Variants in MEGF11 observed in about 807,000 individuals in gnomAD.
The protein encoded by MEGF11 is multiple EGF like domains 11, also known as multiple epidermal growth factor-like domains protein 11.
Under a neutral mutation model 146.6 loss-of-function variants are expected in MEGF11, and 126 were observed. The ratio of observed to expected loss-of-function variants is 0.86; its 90% CI spans 0.74 to 1.00. The LOEUF is 1.00. Among genes scored for constraint, MEGF11 ranks in the 50% least tolerant of loss-of-function variants. MEGF11 has a pLI of 0.00. For synonymous variants in MEGF11, 532 were observed against 583.4 expected (o/e 0.91, Z 1.27); for missense variants, 1,509 against 1,521.2 (o/e 0.99, Z 0.13).
At chr15:66,214,820 CACTGCACTCAA>C (rs2091546107) in intron 1 of MEGF11, among the ~76,000 whole-genome samples, 1 of 152,112 alleles carries the variant, frequency 6.6e-6, no homozygotes. Flanking sequence ...CCTGCACTAA[CACTGCACTCAA>C]GGCCCAGCTC....
chr15:66,031,690 G>A (rs1464441692), intron 5 of MEGF11, among the ~76,000 whole-genome samples: 1 of 152,186 alleles, frequency 6.6e-6, no homozygotes, highest in Non-Finnish European at 1.5e-5. Context: ...GTGATCTTGA[G>A]CAACTACTTA....
At chr15:66,105,421 A>G (rs2087021955) in intron 4 of MEGF11, among the ~76,000 whole-genome samples, 1 of 152,198 alleles carries the variant, frequency 6.6e-6, no homozygotes, top group African/African-American at 2.4e-5. Context: ...CCATTGTGCA[A>G]GAAGATTAAA....
At chr15:66,098,891 C>A (rs1306995332) in intron 4 of MEGF11, among the ~76,000 whole-genome samples, 1 of 152,194 alleles carries the variant, frequency 6.6e-6, no homozygotes, top group Non-Finnish European at 1.5e-5. Context: ...TAAAACACTT[C>A]ATCAGATGTG....
chr15:65,918,577 G>A (rs1359728517), intron 15 of MEGF11, among the ~76,000 whole-genome samples: 2 of 152,244 alleles, frequency 1.3e-5, no homozygotes, highest in Non-Finnish European at 2.9e-5. Context: ...CGGTTTGACT[G>A]TTAAAGGACC....
At chr15:66,047,507 A>G (rs1489889042) in intron 5 of MEGF11, among the ~76,000 whole-genome samples, 2 of 152,246 alleles carry the variant, frequency 1.3e-5, no homozygotes, top group African/African-American at 4.8e-5. Flanking sequence ...AGCACTGGGA[A>G]TAATAAACAC....
intron 1 of MEGF11, among the ~76,000 whole-genome samples, chr15:66,150,244 G>T (rs1220823742): frequency 6.6e-6 from 1 of 152,196 alleles, no homozygotes; most frequent in Non-Finnish European, 1.5e-5. Flanking sequence ...CGGGCATGGT[G>T]GGGTCCAGTT....
intron 5 of MEGF11, among the ~76,000 whole-genome samples, chr15:66,093,299 C>G (rs1295807658): frequency 6.6e-6 from 1 of 152,038 alleles, no homozygotes; most frequent in Non-Finnish European, 1.5e-5. Flanking sequence ...TTTGGGAAAA[C>G]AAACAAAAAA....
intron 5 of MEGF11, among the ~76,000 whole-genome samples, chr15:65,987,152 G>A (rs1037712932): frequency 6.6e-6 from 1 of 152,152 alleles, no homozygotes; most frequent in African/African-American, 2.4e-5. Flanking sequence ...TCACCGACAG[G>A]CTTTTAAATT....
Position 65,897,694 on chromosome 15 carries a change from T to TA in MEGF11, c.*239dup. On this transcript the variant is annotated 3_prime_UTR_variant, in exon 26 of 26. Coordinates refer to ENST00000395614, the MANE Select transcript of MEGF11 (RefSeq NM_001385028.1). Reference sequence around the variant, plus strand: ...TGAGTAGCTGTATCTTAAAATGTTTTAAAAATCATATAATCCAGGGCATTT... The same window carrying TA: ...TGAGTAGCTGTATCTTAAAATGTTTTAAAAAATCATATAATCCAGGGCATTT... 5.8e-6 allele frequency: 2 copies of TA among 345,748 alleles called. No individual in the cohort carries two copies. The highest frequency in any genetic ancestry group is 5.2e-6 in the Non-Finnish European group (1 of 192,934). 21.4% of individuals were successfully genotyped at this position (345,748 alleles called of 1,614,324 possible). A position where few individuals can be genotyped will look rare whatever the true frequency, so the allele number is the denominator to read the frequency against.
chr15:66,112,734 A>G (rs1476239718), intron 4 of MEGF11, among the ~76,000 whole-genome samples: 1 of 152,210 alleles, frequency 6.6e-6, no homozygotes. Context: ...GTGCAAGACA[A>G]AGTCCAGAAC....
intron 1 of MEGF11, among the ~76,000 whole-genome samples, chr15:66,130,721 A>AGAGGGAGG (rs201223836): frequency 1.4e-5 from 2 of 144,070 alleles, no homozygotes; most frequent in African/African-American, 5.1e-5. Context: ...AGAAAAAGAA[A>AGAGGGAGG]GAGGGAGGGA....
chr15:66,014,383 G>T (rs559361315), intron 5 of MEGF11, among the ~76,000 whole-genome samples: 1 of 152,322 alleles, frequency 6.6e-6, no homozygotes, highest in East Asian at 1.9e-4. Flanking sequence ...GTATACAGGA[G>T]AATAATATAT....
chr15:65,965,402 TA>T, intron 8 of MEGF11: 1 of 385,886 alleles, frequency 2.6e-6, no homozygotes, highest in Non-Finnish European at 4.6e-6. Context: ...TTTTAAAAAT[TA>T]AAGTTGTGGT....
At chr15:66,089,612 G>A (rs543028359) in intron 5 of MEGF11, among the ~76,000 whole-genome samples, 4 of 152,258 alleles carry the variant, frequency 2.6e-5, no homozygotes, top group African/African-American at 9.6e-5. Context: ...AAATTTCCAA[G>A]TTAATTCTTG....
chr15:66,052,607 C>T (rs895345307), intron 5 of MEGF11, among the ~76,000 whole-genome samples: 1 of 152,182 alleles, frequency 6.6e-6, no homozygotes, highest in African/African-American at 2.4e-5. Flanking sequence ...TCGATGCTTT[C>T]CCCAACTGCT....
chr15:66,189,120 GAATT>G (rs1424716453), intron 1 of MEGF11, among the ~76,000 whole-genome samples: 1 of 152,182 alleles, frequency 6.6e-6, no homozygotes, highest in Non-Finnish European at 1.5e-5. Flanking sequence ...ATGCAAATTA[GAATT>G]ATTTAAAAAT....
At chr15:66,081,893 G>T (rs948815473) in intron 5 of MEGF11, among the ~76,000 whole-genome samples, 3 of 152,120 alleles carry the variant, frequency 2.0e-5, no homozygotes, top group African/African-American at 7.2e-5. Context: ...GTCTGTGGGA[G>T]GTAATCAGTC....
intron 1 of MEGF11, among the ~76,000 whole-genome samples, chr15:66,239,107 G>T (rs2092156879): frequency 6.6e-6 from 1 of 152,164 alleles, no homozygotes; most frequent in African/African-American, 2.4e-5. Context: ...CAGGCACTCT[G>T]GTCTCTGACC....
chr15:66,172,770 G>A (rs1004399384), intron 1 of MEGF11, among the ~76,000 whole-genome samples: 9 of 152,092 alleles, frequency 5.9e-5, no homozygotes, highest in East Asian at 1.9e-4. Context: ...GGAACCCTAC[G>A]GGAACCCTGA....
Sources: gnomAD v4.1 joint callset for allele counts (sites outside exome capture counted in the v4.1 genomes callset) on GRCh38, gnomAD v4.1.1 for gene constraint, MANE v1.5 for transcripts, NCBI Gene and HGNC (gene_info 2026-07-23, HGNC 2026-07-21) for gene names.